The following CFAP43 variants were observed in gnomAD, a reference collection of about 807,000 sequenced individuals.
CFAP43 encodes cilia- and flagella-associated protein 43.
Under a neutral mutation model 218.9 loss-of-function variants are expected in CFAP43, and 155 were observed. The observed-to-expected ratio is 0.71, with a 90% CI of 0.62 to 0.81. CFAP43 has a LOEUF of 0.81. CFAP43 is among the 30% of genes least tolerant of loss of function. The pLI, the probability that CFAP43 is intolerant of heterozygous loss-of-function variation, is 0.00. For missense variants in CFAP43, 1,778 were observed against 1,954.3 expected (o/e 0.91, Z 1.70); for synonymous variants, 645 against 681.3 (o/e 0.95, Z 0.83).
chr10:104,167,728 T>C lies in CFAP43; in HGVS notation c.2701A>G (p.Ile901Val), dbSNP rs755760017. The change falls in exon 22 of 38, where the codon ATC becomes GTC. Residue 901 changes from isoleucine (I) to valine (V), a missense_variant. By Grantham distance (29) the Ile-to-Val change is conservative. Transcript: ENST00000357060. ...GGGAAGTTTTCAACCACACAGGGGA[T>C]ATGAAAACACTTGGGGAAAAAAACG... is the stretch of plus-strand genomic sequence containing the variant. ...VKGRALKCFH[I>V]PCVVENFPMK... 4.4e-6 allele frequency: 7 copies of C among 1,604,644 alleles called. No homozygotes were observed. Among genetic ancestry groups the C allele is most frequent in the South Asian group, 1.1e-5 (1 of 88,746 alleles).
chr10:104,137,655 T>C (rs915104866), intron 34 of CFAP43, among the ~76,000 whole-genome samples: 9 of 151,736 alleles, frequency 5.9e-5, no homozygotes, highest in Non-Finnish European at 8.8e-5. Flanking sequence ...CAAAAAAATA[T>C]AAAAATTAGC....
chr10:104,151,017 G>A (rs952603761), intron 28 of CFAP43, among the ~76,000 whole-genome samples: 2 of 151,938 alleles, frequency 1.3e-5, no homozygotes. Flanking sequence ...TTCCTGTGTT[G>A]GTTTAATAAG....
chr10:104,154,806 T>C (rs2088453750), intron 27 of CFAP43, among the ~76,000 whole-genome samples: 1 of 152,254 alleles, frequency 6.6e-6, no homozygotes, highest in Admixed American at 6.5e-5. Context: ...TGCTCTTCCA[T>C]CTGCCTATGC....
chr10:104,187,575 G>C, intron 13 of CFAP43, 83 bp from the exon 14 acceptor site: 2 of 1,227,690 alleles, frequency 1.6e-6, no homozygotes, highest in Non-Finnish European at 2.1e-6. Flanking sequence ...ATTATGAAAA[G>C]CAAAATAAAA....
At chr10:104,139,262 T>C (rs2087594918) in intron 34 of CFAP43, among the ~76,000 whole-genome samples, 1 of 152,164 alleles carries the variant, frequency 6.6e-6, no homozygotes, top group Non-Finnish European at 1.5e-5. Flanking sequence ...CGTGTGTAAT[T>C]GGAATCCCAG....
chr10:104,133,573 A>G, intron 35 of CFAP43, 47 bp downstream of exon 35: 1 of 1,562,216 alleles, frequency 6.4e-7, no homozygotes, highest in Non-Finnish European at 8.7e-7. Flanking sequence ...GAATGAATAC[A>G]TTAATGAATA....
chr10:104,204,941 G>A (rs948729198), intron 7 of CFAP43, among the ~76,000 whole-genome samples: 6 of 152,182 alleles, frequency 3.9e-5, no homozygotes, highest in African/African-American at 1.4e-4. Context: ...TGGGCCGGGC[G>A]CAGTGGCTCA....
chr10:104,223,687 G>C (rs1437861578), intron 3 of CFAP43, among the ~76,000 whole-genome samples: 1 of 152,162 alleles, frequency 6.6e-6, no homozygotes, highest in Non-Finnish European at 1.5e-5. Context: ...CCTATCCTGT[G>C]TATCCAGAGC....
intron 35 of CFAP43, 100 bp from the exon 36 acceptor site, chr10:104,132,296 C>T: frequency 3.3e-6 from 3 of 897,056 alleles, no homozygotes; most frequent in Non-Finnish European, 5.0e-6. Flanking sequence ...TTTTTCATAA[C>T]AAATATCTAT....
rs2089443624 is a variant in CFAP43, at chr10:104,172,299, A to T, written c.2586+111T>A. ...ACTATGTTTGCTTTATTCACATTATACTGAAAAAGGTTTTGTCATATTCAC... is the reference window on the plus strand; with the variant it reads ...ACTATGTTTGCTTTATTCACATTATTCTGAAAAAGGTTTTGTCATATTCAC... On this transcript the variant is annotated intron_variant, in intron 20 of 37. Coordinates refer to ENST00000357060, the MANE Select transcript of CFAP43 (RefSeq NM_025145.7). 3.7e-6 allele frequency: 5 copies of T among 1,336,580 alleles called. No homozygotes were observed. The Admixed American group carries it at 7.9e-5, about 21-fold the overall frequency. 82.8% of individuals were successfully genotyped at this position (1,336,580 alleles called of 1,614,324 possible). A position where few individuals can be genotyped will look rare whatever the true frequency, so the allele number is the denominator to read the frequency against.
intron 19 of CFAP43, among the ~76,000 whole-genome samples, chr10:104,175,851 T>C (rs1589707302): frequency 6.6e-6 from 1 of 152,256 alleles, no homozygotes; most frequent in Admixed American, 6.5e-5. Context: ...TGTCTGTATA[T>C]ATCTTAATTC....
intron 35 of CFAP43, 182 bp downstream of exon 35, chr10:104,133,438 T>C (rs961002849): frequency 1.7e-6 from 1 of 573,108 alleles, no homozygotes; most frequent in Admixed American, 3.7e-5. Flanking sequence ...AAATGGGTCA[T>C]GAAGAACTGG....
At chr10:104,136,118 T>C (rs1378592737) in intron 34 of CFAP43, among the ~76,000 whole-genome samples, 1 of 151,166 alleles carries the variant, frequency 6.6e-6, no homozygotes, top group East Asian at 2.0e-4. Context: ...GGCATGGTGG[T>C]GGGCGCCTGT....
At chr10:104,225,819 T>G (rs2091292005) in intron 2 of CFAP43, among the ~76,000 whole-genome samples, 1 of 152,212 alleles carries the variant, frequency 6.6e-6, no homozygotes, top group Middle Eastern at 3.2e-3. Context: ...GAACTGAGCA[T>G]ACCGCACCAT....
chr10:104,130,377 C>T lies in CFAP43; in HGVS notation c.4832-72G>A, dbSNP rs185709522. 2.2e-3 allele frequency: 3,337 copies of T among 1,523,430 alleles called. 13 individuals are homozygous for T. Among genetic ancestry groups the T allele is most frequent in the Non-Finnish European group, 2.5e-3 (2,861 of 1,131,792 alleles). 94.4% of individuals were successfully genotyped at this position (1,523,430 alleles called of 1,614,324 possible). ...CAAATACAGAAGCAGCACTCAGAAT[C>T]ATACATGTGGAAGAAATGCTGGTAG... On this transcript the variant is annotated intron_variant, in intron 37 of 37. Coordinates refer to ENST00000357060, the MANE Select transcript of CFAP43 (RefSeq NM_025145.7).
chr10:104,135,147 G>GA lies in CFAP43; in HGVS notation c.4432-1364dup, dbSNP rs569839881. ...TCACATGATCATGTCAATTGATGTA[G>GA]AAAAAAAAAATTGACAAAATCCAGC... is the stretch of plus-strand genomic sequence containing the variant. On this transcript the variant is annotated intron_variant, in intron 34 of 37. Coordinates refer to ENST00000357060, the MANE Select transcript of CFAP43 (RefSeq NM_025145.7). Among the ~76,000 whole-genome samples, 38 of 146,286 alleles carry GA rather than the reference G, an allele frequency of 2.6e-4. No homozygotes were observed. The South Asian group carries it at 3.0e-3, about 12-fold the overall frequency.
intron 19 of CFAP43, 29 bp downstream of exon 19, chr10:104,179,000 G>A: frequency 6.4e-7 from 1 of 1,559,082 alleles, no homozygotes; most frequent in Non-Finnish European, 8.8e-7. Context: ...AGGGCCAAAG[G>A]TATTAGAATA....
At chr10:104,185,830 A>T in intron 15 of CFAP43, 144 bp downstream of exon 15, 1 of 620,812 alleles carries the variant, frequency 1.6e-6, no homozygotes, top group Non-Finnish European at 2.6e-6. Context: ...AATACTTCCA[A>T]TGGCAAGCAA....
intron 34 of CFAP43, among the ~76,000 whole-genome samples, chr10:104,137,291 A>G (rs1220171134): frequency 1.3e-5 from 2 of 152,238 alleles, no homozygotes; most frequent in African/African-American, 4.8e-5. Context: ...CAAAAGAAGA[A>G]TGAAGACTGA....
Sources: allele counts gnomAD v4.1 joint callset (sites outside exome capture counted in the v4.1 genomes callset), GRCh38; gene constraint gnomAD v4.1.1; transcripts MANE v1.5; gene names NCBI Gene and HGNC (gene_info 2026-07-23, HGNC 2026-07-21).